The following PPP1R14C variants were observed in gnomAD, a reference collection of about 807,000 sequenced individuals.
The protein encoded by PPP1R14C is protein phosphatase 1 regulatory subunit 14C.
Under a neutral mutation model 20.4 loss-of-function variants are expected in PPP1R14C, and 16 were observed. The ratio of observed to expected loss-of-function variants is 0.78; its 90% CI spans 0.53 to 1.19. PPP1R14C has a LOEUF of 1.19. Among genes scored for constraint, PPP1R14C ranks in the 50% most tolerant of loss-of-function variants. PPP1R14C has a pLI of 0.00. For synonymous variants in PPP1R14C, 91 were observed against 91.0 expected, an observed-to-expected ratio of 1.00 and a Z score of 0.00; for missense variants, 211 against 220.1, an observed-to-expected ratio of 0.96 and a Z score of 0.26.
chr6:150,247,195 G>A (rs1778502736), intron 3 of PPP1R14C, among the ~76,000 whole-genome samples: 1 of 152,148 alleles, frequency 6.6e-6, no homozygotes. Flanking sequence ...AAGGGAGATT[G>A]AGAGCTGTTT....
chr6:150,213,346 A>AACAC (rs3049230), intron 1 of PPP1R14C, among the ~76,000 whole-genome samples: 17,659 of 149,272 alleles, frequency 0.12, 1,018 homozygotes, highest in East Asian at 0.16. Flanking sequence ...TTTGTGTTGT[A>AACAC]ACACACACAC....
rs1582890417 is a variant in PPP1R14C at position 150,143,242 on chromosome 6, G to A, written c.50G>A (p.Gly17Asp). 1 of 1,392,190 alleles carries A rather than the reference G, an allele frequency of 7.2e-7. No individual in the cohort carries two copies. Among genetic ancestry groups the A allele is most frequent in the African/African-American group, 1.5e-5 (1 of 65,436 alleles). 86.2% of individuals were successfully genotyped at this position (1,392,190 alleles called of 1,614,324 possible). A position where few individuals can be genotyped will look rare whatever the true frequency, so the allele number is the denominator to read the frequency against. The change falls in exon 1 of 4, where the codon GGC (glycine) becomes GAC (aspartate). Residue 17 changes from glycine to aspartate, a missense_variant. Gly to Asp is a moderately conservative substitution (Grantham distance 94). Transcript: ENST00000361131. This position sits in a 1 kb window ranked among gnomAD's most constrained non-coding sequence, Gnocchi z 5.6. ...GAGACGGCCGGCGGGGCCAGCGGCG[G>A]CGGCGCACGGGTTTTCTTCCAAAGC... is the stretch of plus-strand genomic sequence containing the variant. ...SSETAGGASG[G>D]GARVFFQSPR...
At chr6:150,148,231 A>G (rs1777200895) in intron 1 of PPP1R14C, among the ~76,000 whole-genome samples, 1 of 152,230 alleles carries the variant, frequency 6.6e-6, no homozygotes, top group Non-Finnish European at 1.5e-5. Flanking sequence ...GGCAAGGTTC[A>G]TGTAATCTTG....
intron 1 of PPP1R14C, among the ~76,000 whole-genome samples, chr6:150,191,947 G>T (rs1268155959): frequency 1.3e-5 from 2 of 152,024 alleles, no homozygotes; most frequent in Non-Finnish European, 2.9e-5. Flanking sequence ...AGGGTTCCAG[G>T]TACAGATTAC....
intron 1 of PPP1R14C, among the ~76,000 whole-genome samples, chr6:150,210,568 G>T (rs1412989542): frequency 6.6e-6 from 1 of 152,170 alleles, no homozygotes; most frequent in Non-Finnish European, 1.5e-5. Flanking sequence ...GAGCCATGGA[G>T]CCTTCAGTGT....
At chr6:150,219,512 G>A (rs568398904) in intron 3 of PPP1R14C, among the ~76,000 whole-genome samples, 10 of 151,836 alleles carry the variant, frequency 6.6e-5, no homozygotes, top group South Asian at 2.1e-4. Flanking sequence ...CACTGTGCCC[G>A]GCCATAACGC....
intron 1 of PPP1R14C, among the ~76,000 whole-genome samples, chr6:150,189,549 C>CTTT (rs5880869): frequency 6.7e-6 from 1 of 148,518 alleles, no homozygotes; most frequent in African/African-American, 2.5e-5. Context: ...AAACATTCTG[C>CTTT]TTTTTTTTTT....
rs1778071784 is a variant in PPP1R14C at position 150,214,913 on chromosome 6, C to G, written c.390+86C>G. On this transcript the variant is annotated intron_variant, in intron 2 of 3. Transcript: ENST00000361131. ...CTTCAGTGCTTGGCATCAACTGATTCCGCCCTGTGGTGGTGTTGGCACCAG... is the reference window on the plus strand; with the variant it reads ...CTTCAGTGCTTGGCATCAACTGATTGCGCCCTGTGGTGGTGTTGGCACCAG... The G allele has an allele frequency of 4.2e-6, 4 of 950,252 alleles. No homozygotes were observed. The East Asian group carries it at 1.0e-4, about 24-fold the overall frequency. 58.9% of individuals were successfully genotyped at this position (950,252 alleles called of 1,614,324 possible).
chr6:150,230,400 C>T (rs1356000186), intron 3 of PPP1R14C, among the ~76,000 whole-genome samples: 8 of 152,172 alleles, frequency 5.3e-5, no homozygotes, highest in Non-Finnish European at 1.0e-4. Flanking sequence ...TGTGAATGTG[C>T]ACCTTGAAGG....
chr6:150,242,589 A>G (rs1192489975), intron 3 of PPP1R14C, among the ~76,000 whole-genome samples: 1 of 152,182 alleles, frequency 6.6e-6, no homozygotes, highest in Non-Finnish European at 1.5e-5. Flanking sequence ...TCTGCAAAAA[A>G]CCTACAGGTA....
At chr6:150,154,023 A>T (rs1777278954) in intron 1 of PPP1R14C, among the ~76,000 whole-genome samples, 1 of 152,238 alleles carries the variant, frequency 6.6e-6, no homozygotes. Context: ...AGACCATATG[A>T]TTGAAAGCTC....
chr6:150,151,101 G>T (rs1777241778), intron 1 of PPP1R14C, among the ~76,000 whole-genome samples: 1 of 151,282 alleles, frequency 6.6e-6, no homozygotes, highest in East Asian at 1.9e-4. Context: ...GACCCTTCCT[G>T]TGGCTTTAAT....
intron 1 of PPP1R14C, among the ~76,000 whole-genome samples, chr6:150,208,879 G>A (rs1442692469): frequency 6.6e-6 from 1 of 152,152 alleles, no homozygotes; most frequent in East Asian, 1.9e-4. Context: ...GACTGTGCTT[G>A]CTTACAGGAA....
chr6:150,206,618 C>A (rs746641244), intron 1 of PPP1R14C, among the ~76,000 whole-genome samples: 1 of 151,740 alleles, frequency 6.6e-6, no homozygotes, highest in South Asian at 2.1e-4. Context: ...GAAAGGGAGG[C>A]GTTCTACACG....
chr6:150,187,247 CTGTGTGTGTGTGTG>C (rs61153538), intron 1 of PPP1R14C, among the ~76,000 whole-genome samples: 151 of 141,590 alleles, frequency 1.1e-3, no homozygotes, highest in Admixed American at 5.5e-3. Context: ...TTCTCTTTCT[CTGTGTGTGTGTGTG>C]TGTGTGTGTG....
In PPP1R14C at chr6:150,199,491, G is replaced by A. The variant is rs1304616178; in HGVS notation, c.307-15253G>A. 4.6e-5 allele frequency among the ~76,000 whole-genome samples: 7 copies of A among 152,236 alleles called. No homozygotes were observed. In the South Asian group the frequency reaches 1.0e-3, roughly 23 times the overall value. Reference sequence around the variant, plus strand: ...GTGTTCTGGAGGGTGCAGCAAGGAGGCATCATCTTGGAAGCAGACACCTAG... The same window carrying A: ...GTGTTCTGGAGGGTGCAGCAAGGAGACATCATCTTGGAAGCAGACACCTAG... On this transcript the variant is annotated intron_variant, in intron 1 of 3. Coordinates refer to ENST00000361131, the MANE Select transcript of PPP1R14C (RefSeq NM_030949.3).
At chr6:150,245,491 A>T (rs997519311) in intron 3 of PPP1R14C, among the ~76,000 whole-genome samples, 12 of 152,028 alleles carry the variant, frequency 7.9e-5, no homozygotes, top group African/African-American at 2.7e-4. Context: ...TGTGCCAGGG[A>T]CTTCCACTTC....
intron 1 of PPP1R14C, among the ~76,000 whole-genome samples, chr6:150,181,019 C>T (rs1188651217): frequency 6.6e-6 from 1 of 152,168 alleles, no homozygotes; most frequent in African/African-American, 2.4e-5. Flanking sequence ...ACTACAGCTC[C>T]TCCCTCAGGT....
Position 150,222,010 on chromosome 6 carries a change from G to T in PPP1R14C, c.423+5154G>T, listed in dbSNP as rs368042615. Among the ~76,000 whole-genome samples the T allele has an allele frequency of 3.9e-5, 6 of 152,036 alleles. No individual in the cohort carries two copies. The East Asian group carries it at 9.7e-4, about 24-fold the overall frequency. The stretch of plus-strand genomic sequence containing the variant: ...GACAAAGTTTCTCCATGTTGCCCAG[G>T]CTAGTCTCAAACTCCCGAGCTCCAG... On this transcript the variant is annotated intron_variant, in intron 3 of 3. Transcript: ENST00000361131.
Sources: gnomAD v4.1 joint callset for allele counts (sites outside exome capture counted in the v4.1 genomes callset) on GRCh38, gnomAD v4.1.1 for gene constraint, Gnocchi (gnomAD v3.1) non-coding constraint, MANE v1.5 for transcripts, NCBI Gene and HGNC (gene_info 2026-07-23, HGNC 2026-07-21) for gene names.